HMBOX1: variants seen among roughly 807,000 people sequenced by gnomAD.
The protein encoded by HMBOX1 is homeobox-containing protein 1.
HMBOX1 carries 14 observed loss-of-function variants against 54.5 expected under a neutral mutation model. That is an observed-to-expected ratio of 0.26 (90% CI 0.17 to 0.40). The LOEUF (loss-of-function observed/expected upper bound fraction) is 0.40. HMBOX1 is among the 10% of genes least tolerant of loss of function. The pLI, the probability that HMBOX1 is intolerant of heterozygous loss-of-function variation, is 1.00. For missense variants in HMBOX1, 332 were observed against 514.4 expected (o/e 0.65, Z 3.43); for synonymous variants, 160 against 181.0 (o/e 0.88, Z 0.93).
At chr8:29,021,711 T>A (rs1376768213) in intron 6 of HMBOX1, among the ~76,000 whole-genome samples, 9 of 150,430 alleles carry the variant, frequency 6.0e-5, no homozygotes, top group African/African-American at 2.2e-4. Context: ...AAAAAAAAAA[T>A]TAGCCGGGCG....
intron 1 of HMBOX1, among the ~76,000 whole-genome samples, chr8:28,962,503 T>C (rs1825777099): frequency 7.6e-6 from 1 of 131,950 alleles, no homozygotes; most frequent in African/African-American, 2.8e-5. Context: ...ATGGTTCTCA[T>C]GATTACAGAA....
rs551425777 is a variant in HMBOX1 at position 28,966,628 on chromosome 8, G to A, written c.23+2738G>A. 4.1e-4 allele frequency among the ~76,000 whole-genome samples: 63 copies of A among 152,218 alleles called. 1 individual carries two copies. In the South Asian group the frequency reaches 0.012, roughly 30 times the overall value. On this transcript the variant is annotated intron_variant, in intron 2 of 9. Coordinates refer to ENST00000287701, the MANE Select transcript of HMBOX1 (RefSeq NM_001135726.3). ...ATGAGAAATAAAATTGTGAAATGCC[G>A]GAGTATATGCCTTTGTTTATATTAA...
At chr8:28,958,348 T>A (rs1214028925) in intron 1 of HMBOX1, among the ~76,000 whole-genome samples, 8 of 152,234 alleles carry the variant, frequency 5.3e-5, no homozygotes, top group Non-Finnish European at 1.2e-4. Flanking sequence ...GATATTTTTC[T>A]CTTTTATTCC....
chr8:29,016,863 G>C (rs1835100778), intron 5 of HMBOX1, among the ~76,000 whole-genome samples: 1 of 152,234 alleles, frequency 6.6e-6, no homozygotes, highest in African/African-American at 2.4e-5. Flanking sequence ...TCTGTATTCT[G>C]ATCCTTGAAG....
rs528649882 is a variant in HMBOX1 at position 28,940,008 on chromosome 8, TA to T, written c.-57-23794del. ...CCCTTCAGATCTGAGCTTTATCTTT[TA>T]AAAAAAAATTGTTTTAGATTTTTTT... is the stretch of plus-strand genomic sequence containing the variant. On this transcript the variant is annotated intron_variant, in intron 1 of 9. Coordinates refer to ENST00000287701, the MANE Select transcript of HMBOX1 (RefSeq NM_001135726.3). Among the ~76,000 whole-genome samples the T allele has an allele frequency of 1.1e-3, 167 of 151,784 alleles. 3 individuals carry two copies. In the South Asian group the frequency reaches 0.024, roughly 22 times the overall value.
chr8:29,003,084 CTT>C (rs11408114), intron 4 of HMBOX1, among the ~76,000 whole-genome samples: 1 of 145,172 alleles, frequency 6.9e-6, no homozygotes, highest in Admixed American at 6.9e-5. Context: ...ACAGTCTTGT[CTT>C]TTTTTTTTTC....
At chr8:28,901,233 A>T (rs1407956060) in intron 1 of HMBOX1, among the ~76,000 whole-genome samples, 1 of 151,786 alleles carries the variant, frequency 6.6e-6, no homozygotes. Flanking sequence ...CTTTCTGGCT[A>T]ATTTATTTTT....
intron 6 of HMBOX1, among the ~76,000 whole-genome samples, chr8:29,036,670 T>C (rs1254079020): frequency 6.6e-6 from 1 of 152,214 alleles, no homozygotes; most frequent in East Asian, 1.9e-4. Flanking sequence ...GAACTTGGTC[T>C]AGGTGATTCA....
intron 3 of HMBOX1, among the ~76,000 whole-genome samples, chr8:28,977,151 T>C (rs1489789529): frequency 6.6e-6 from 1 of 152,220 alleles, no homozygotes; most frequent in Non-Finnish European, 1.5e-5. Flanking sequence ...CTGTGAATAA[T>C]TTACAAACTG....
rs772686338 is a variant in HMBOX1 at position 28,980,051 on chromosome 8, T to C, written c.501-20T>C. The C allele has an allele frequency of 6.4e-7, 1 of 1,567,542 alleles. No homozygotes were observed. Among genetic ancestry groups the C allele is most frequent in the Non-Finnish European group, 8.8e-7 (1 of 1,137,616 alleles). On this transcript the variant is annotated intron_variant, in intron 3 of 9. Coordinates refer to ENST00000287701, the MANE Select transcript of HMBOX1 (RefSeq NM_001135726.3). ...CTACCTTCAACATACATTGTTGGTCTTGTCTTCTGTTTTTGTTAGGAGGGA... is the reference window on the plus strand; with the variant it reads ...CTACCTTCAACATACATTGTTGGTCCTGTCTTCTGTTTTTGTTAGGAGGGA...
rs1325509087 is a variant in HMBOX1 at position 28,925,043 on chromosome 8, A to G, written c.-58+34365A>G. On this transcript the variant is annotated intron_variant, in intron 1 of 9. Coordinates refer to ENST00000287701, the MANE Select transcript of HMBOX1 (RefSeq NM_001135726.3). ...TTTTTTTACTAGGAGTTGATAAACT[A>G]TGGCCTAAAGCCAAATTGGATTCAC... is the stretch of plus-strand genomic sequence containing the variant. 9.9e-5 allele frequency among the ~76,000 whole-genome samples: 15 copies of G among 150,756 alleles called. No homozygotes were observed. The Admixed American group carries it at 1.0e-3, about 10-fold the overall frequency.
chr8:28,920,121 A>T (rs1342847803), intron 1 of HMBOX1, among the ~76,000 whole-genome samples: 13 of 152,218 alleles, frequency 8.5e-5, no homozygotes. Context: ...TTTTACATCA[A>T]CCAGGTAAAC....
chr8:29,031,253 C>T lies in HMBOX1; in HGVS notation c.851+12340C>T, dbSNP rs576375742. ...GGTGGTTATATTTGGATAGGAAATT[C>T]AGCGAATGTTTTTCCAGCTTCTTTA... On this transcript the variant is annotated intron_variant, in intron 6 of 9. Transcript: ENST00000287701. Among the ~76,000 whole-genome samples, 4 of 152,282 alleles carry T rather than the reference C, an allele frequency of 2.6e-5. No homozygotes were observed. The East Asian group carries it at 7.7e-4, about 29-fold the overall frequency.
rs1391670067 is a variant in HMBOX1 at position 28,970,235 on chromosome 8, T to C, written c.216T>C (p.Tyr72=). The part of the protein sequence containing the change: ...GRRSSYGGSS[Y]GNSTNNVPAS... ...GGTCCAGCTATGGAGGAAGTTCATA[T>C]GGGAATAGTACTAACAATGTCCCAG... Residue 72 remains tyrosine, a synonymous_variant, in exon 3 of 10, where the codon TAT becomes TAC. Transcript: ENST00000287701. This position sits in a 1 kb window ranked among gnomAD's most constrained non-coding sequence, Gnocchi z 4.3. 3 of 1,614,114 alleles carry C rather than the reference T, an allele frequency of 1.9e-6. No homozygotes were observed. Among genetic ancestry groups the C allele is most frequent in the South Asian group, 1.1e-5 (1 of 91,096 alleles).
At chr8:28,952,882 T>G (rs1823741594) in intron 1 of HMBOX1, among the ~76,000 whole-genome samples, 1 of 152,250 alleles carries the variant, frequency 6.6e-6, no homozygotes, top group Admixed American at 6.5e-5. Flanking sequence ...TCTTGCACAG[T>G]GTTTATCACA....
intron 1 of HMBOX1, among the ~76,000 whole-genome samples, chr8:28,925,246 G>C (rs976953562): frequency 3.3e-5 from 5 of 152,194 alleles, no homozygotes; most frequent in African/African-American, 1.2e-4. Flanking sequence ...GTGGTTCAGA[G>C]TGCATGGGGT....
chr8:28,951,073 C>G (rs1823327743), intron 1 of HMBOX1, among the ~76,000 whole-genome samples: 1 of 152,184 alleles, frequency 6.6e-6, no homozygotes, highest in South Asian at 2.1e-4. Context: ...ATGTTTTAAC[C>G]TCTTCTATCT....
intron 6 of HMBOX1, among the ~76,000 whole-genome samples, chr8:29,024,179 T>C (rs1214291046): frequency 6.6e-6 from 1 of 152,188 alleles, no homozygotes; most frequent in African/African-American, 2.4e-5. Flanking sequence ...TAAGTAATTA[T>C]GGAACTGAGA....
chr8:28,921,151 A>G (rs1334282279), intron 1 of HMBOX1, among the ~76,000 whole-genome samples: 2 of 152,188 alleles, frequency 1.3e-5, no homozygotes, highest in Non-Finnish European at 2.9e-5. Flanking sequence ...CCTGGCCAAC[A>G]TGGTAAAACC....
Sources: allele counts gnomAD v4.1 joint callset (sites outside exome capture counted in the v4.1 genomes callset), GRCh38; gene constraint gnomAD v4.1.1; non-coding constraint Gnocchi (gnomAD v3.1); transcripts MANE v1.5; gene names NCBI Gene and HGNC (gene_info 2026-07-23, HGNC 2026-07-21).